Variants in ACSS1 observed in about 807,000 individuals in gnomAD.
ACSS1 encodes acyl-CoA synthetase short chain family member 1, also known as acetyl-coenzyme A synthetase 2-like, mitochondrial.
In ACSS1, 42 loss-of-function variants were observed where a neutral mutation model predicts 75.3. That is an observed-to-expected ratio of 0.56 (90% confidence interval 0.44 to 0.72). The LOEUF is 0.72. Ranked by LOEUF, ACSS1 falls within the 30% of genes least tolerant of loss-of-function variation. The probability of loss-of-function intolerance (pLI) is 0.00; values close to 1 mark genes in which losing one functional copy is unlikely to be tolerated. For synonymous variants in ACSS1, 380 were observed against 376.8 expected (o/e 1.01, Z -0.10); for missense variants, 782 against 935.7 (o/e 0.84, Z 2.14).
chr20:25,026,044 C>A (rs2088711826), intron 3 of ACSS1, among the ~76,000 whole-genome samples: 1 of 152,164 alleles, frequency 6.6e-6, no homozygotes, highest in East Asian at 1.9e-4. Context: ...CTGACCTCTA[C>A]CCTCCCCTGC....
chr20:25,023,744 C>T (rs745435175), intron 3 of ACSS1, 103 bp from the exon 4 acceptor site: 30 of 1,162,214 alleles, frequency 2.6e-5, no homozygotes, highest in Non-Finnish European at 3.3e-5. Flanking sequence ...GTGAGAAACT[C>T]AGTCCAATCT....
chr20:25,048,207 G>A (rs774874131), intron 1 of ACSS1, 26 bp from the exon 2 acceptor site: 7 of 1,602,270 alleles, frequency 4.4e-6, no homozygotes, highest in Middle Eastern at 1.7e-4. Flanking sequence ...GTTTGCGGAT[G>A]TTACACTTGG....
chr20:25,015,225 C>G lies in ACSS1; in HGVS notation c.1252G>C (p.Glu418Gln). The change falls in exon 8 of 14, where the codon GAG becomes CAG. Residue 418 changes from glutamate to glutamine, a missense_variant. Physicochemically the swap from Glu to Gln is conservative, Grantham distance 29 (BLOSUM62 2). This residue lies in a region of ACSS1 where 405 missense variants were observed against 552.6 expected (regional missense o/e 0.73). Transcript: ENST00000323482. ...SSLRTLGSVGEPINCEAWEWL... is the reference protein window; with the variant it reads ...SSLRTLGSVGQPINCEAWEWL... The stretch of plus-strand genomic sequence containing the variant: ...TCCCAGGCCTCACAGTTGATGGGCT[C>G]TCCCACTGAAACCACACAGAAAGAA... The G allele has an allele frequency of 6.2e-7, 1 of 1,607,324 alleles. No individual in the cohort carries two copies. Among genetic ancestry groups the G allele is most frequent in the Non-Finnish European group, 8.5e-7 (1 of 1,174,844 alleles).
At chr20:25,032,763 G>C in intron 2 of ACSS1, 1 of 992,806 alleles carries the variant, frequency 1.0e-6, no homozygotes, top group East Asian at 6.9e-5. Flanking sequence ...GAATGAAAAT[G>C]AGCTGTCCGC....
chr20:25,045,097 A>G (rs2089065363), intron 2 of ACSS1, among the ~76,000 whole-genome samples: 1 of 152,248 alleles, frequency 6.6e-6, no homozygotes, highest in African/African-American at 2.4e-5. Flanking sequence ...TAGCAGCTAC[A>G]TCATTATCAC....
At chr20:25,037,857 A>G (rs1176349992) in intron 2 of ACSS1, among the ~76,000 whole-genome samples, 1 of 152,184 alleles carries the variant, frequency 6.6e-6, no homozygotes, top group African/African-American at 2.4e-5. Flanking sequence ...TGGCCCTGAC[A>G]TTACTGTAGC....
At chr20:25,055,432 C>G (rs8114568) in intron 1 of ACSS1, among the ~76,000 whole-genome samples, 3 of 152,144 alleles carry the variant, frequency 2.0e-5, no homozygotes, top group Non-Finnish European at 4.4e-5. Flanking sequence ...CATCCACAGC[C>G]CATCATTTGC....
intron 2 of ACSS1, among the ~76,000 whole-genome samples, chr20:25,036,983 GAAAA>G (rs1292355212): frequency 2.8e-5 from 3 of 105,918 alleles, no homozygotes; most frequent in Non-Finnish European, 3.9e-5. Context: ...AAGAAAGAAA[GAAAA>G]AGAAAGAAAG....
At chr20:25,042,856 C>T (rs2089026021) in intron 2 of ACSS1, among the ~76,000 whole-genome samples, 1 of 152,196 alleles carries the variant, frequency 6.6e-6, no homozygotes, top group Admixed American at 6.5e-5. Flanking sequence ...GCAGCTGAAA[C>T]GGACCCTCAT....
intron 8 of ACSS1, among the ~76,000 whole-genome samples, chr20:25,014,736 C>T (rs2088484920): frequency 2.0e-5 from 3 of 152,168 alleles, no homozygotes; most frequent in Admixed American, 6.5e-5. Flanking sequence ...ACTCATGCTC[C>T]CTTAGAAGAT....
At chr20:25,038,289 A>G (rs2088947783) in intron 2 of ACSS1, among the ~76,000 whole-genome samples, 1 of 152,166 alleles carries the variant, frequency 6.6e-6, no homozygotes, top group Non-Finnish European at 1.5e-5. Flanking sequence ...CCAAACAATG[A>G]CTGATCAGAG....
chr20:25,009,516 G>A, intron 12 of ACSS1, 128 bp from the exon 13 acceptor site: 1 of 749,384 alleles, frequency 1.3e-6, no homozygotes, highest in East Asian at 2.5e-5. Flanking sequence ...TGACATTGTA[G>A]CAGCTGGTTT....
At chr20:25,022,671 C>G (rs1051195810) in intron 5 of ACSS1, among the ~76,000 whole-genome samples, 1 of 152,234 alleles carries the variant, frequency 6.6e-6, no homozygotes, top group Admixed American at 6.5e-5. Context: ...TTTTAAAAAT[C>G]TTTGGGCGAA....
At chr20:25,054,460 G>C (rs1224455586) in intron 1 of ACSS1, among the ~76,000 whole-genome samples, 2 of 152,248 alleles carry the variant, frequency 1.3e-5, no homozygotes, top group East Asian at 1.9e-4. Flanking sequence ...CCCTGGGATG[G>C]GTGTGCTGAT....
chr20:25,009,055 G>A (rs188688492), intron 13 of ACSS1, among the ~76,000 whole-genome samples: 1 of 152,330 alleles, frequency 6.6e-6, no homozygotes, highest in African/African-American at 2.4e-5. Flanking sequence ...ACCTGCCTAG[G>A]CGACCTCCTG....
At chr20:25,056,512 T>A (rs2089243937) in intron 1 of ACSS1, among the ~76,000 whole-genome samples, 1 of 152,156 alleles carries the variant, frequency 6.6e-6, no homozygotes, top group Non-Finnish European at 1.5e-5. Flanking sequence ...CAAGACACTA[T>A]CTATAATTGT....
chr20:25,012,200 T>C (rs911033131), intron 12 of ACSS1: 4 of 280,302 alleles, frequency 1.4e-5, no homozygotes, highest in Non-Finnish European at 2.8e-5. Context: ...GCGTGGCGGC[T>C]GCAGAGCTGG....
At chr20:25,044,722 T>C (rs57228377) in intron 2 of ACSS1, among the ~76,000 whole-genome samples, 1 of 152,342 alleles carries the variant, frequency 6.6e-6, no homozygotes, top group African/African-American at 2.4e-5. Flanking sequence ...CCCCACAGCC[T>C]TGGGGCCACT....
intron 3 of ACSS1, among the ~76,000 whole-genome samples, chr20:25,028,684 G>A (rs1186694990): frequency 6.6e-6 from 1 of 152,206 alleles, no homozygotes; most frequent in African/African-American, 2.4e-5. Flanking sequence ...CGAACAGGGA[G>A]GCCGAGGCGG....
Sources: gnomAD v4.1 joint callset for allele counts (sites outside exome capture counted in the v4.1 genomes callset) on GRCh38, gnomAD v4.1.1 for gene constraint, gnomAD v4.1.1 regional missense constraint, MANE v1.5 for transcripts, NCBI Gene and HGNC (gene_info 2026-07-23, HGNC 2026-07-21) for gene names.